The following HPSE2 variants were observed in gnomAD, a reference collection of about 807,000 sequenced individuals.
The protein encoded by HPSE2 is inactive heparanase-2.
A neutral mutation model predicts 60.5 loss-of-function variants in HPSE2; 38 were observed. That is an observed-to-expected ratio of 0.63 (90% CI 0.48 to 0.82). The LOEUF (loss-of-function observed/expected upper bound fraction) is 0.82. Among genes scored for constraint, HPSE2 ranks in the 40% least tolerant of loss-of-function variants. HPSE2 has a pLI of 0.00. For missense variants in HPSE2, 713 were observed against 740.4 expected, an observed-to-expected ratio of 0.96 and a Z score of 0.43; for synonymous variants, 295 against 293.2, an observed-to-expected ratio of 1.01 and a Z score of -0.06.
intron 3 of HPSE2, among the ~76,000 whole-genome samples, chr10:98,990,127 T>A (rs1199918485): frequency 6.6e-6 from 1 of 152,130 alleles, no homozygotes; most frequent in East Asian, 1.9e-4. Context: ...GCTGTACAAC[T>A]CAAGTACATC....
At chr10:98,849,870 G>A (rs1952126567) in intron 3 of HPSE2, among the ~76,000 whole-genome samples, 2 of 151,614 alleles carry the variant, frequency 1.3e-5, no homozygotes, top group African/African-American at 2.4e-5. Flanking sequence ...TCAGCCTCCC[G>A]AGTAGCTGGG....
chr10:99,004,580 C>A (rs1391029539), intron 3 of HPSE2, among the ~76,000 whole-genome samples: 1 of 151,710 alleles, frequency 6.6e-6, no homozygotes, highest in Non-Finnish European at 1.5e-5. Context: ...CTGTTTACAT[C>A]TTGTTATAGT....
chr10:99,118,070 C>A (rs999365933), intron 3 of HPSE2, among the ~76,000 whole-genome samples: 1 of 152,000 alleles, frequency 6.6e-6, no homozygotes, highest in Non-Finnish European at 1.5e-5. Context: ...TTCTGGGATG[C>A]AAGGTTGGTT....
At chr10:99,000,928 A>G (rs1461948696) in intron 3 of HPSE2, among the ~76,000 whole-genome samples, 1 of 152,112 alleles carries the variant, frequency 6.6e-6, no homozygotes, top group African/African-American at 2.4e-5. Context: ...CTGCGTGCAC[A>G]GTGTTATATA....
chr10:98,621,611 C>G (rs369330682), intron 7 of HPSE2, among the ~76,000 whole-genome samples: 5 of 152,200 alleles, frequency 3.3e-5, no homozygotes, highest in African/African-American at 9.7e-5. Flanking sequence ...AATTGACAAC[C>G]ATTGCTGGCA....
At position 98,641,959 on chromosome 10, in the gene HPSE2, A is replaced by G. The variant is rs899776764; in HGVS notation, c.1005-19T>C. ...GTAGCAACTGGAATAAAAATAAAAT[A>G]AGAATCAGATAAAATCTCAAGCAAG... On this transcript the variant is annotated intron_variant, in intron 6 of 11. Transcript: ENST00000370552. 1.3e-6 allele frequency: 2 copies of G among 1,589,890 alleles called. No homozygotes were observed. The highest frequency in any genetic ancestry group is 1.3e-5 in the African/African-American group (1 of 74,476).
At chr10:98,862,327 A>G (rs1390165483) in intron 3 of HPSE2, among the ~76,000 whole-genome samples, 2 of 152,310 alleles carry the variant, frequency 1.3e-5, no homozygotes, top group African/African-American at 2.4e-5. Context: ...TATTCCAAGT[A>G]TCAGTCCTTA....
chr10:98,987,750 G>A (rs1433796409), intron 3 of HPSE2, among the ~76,000 whole-genome samples: 12 of 152,102 alleles, frequency 7.9e-5, no homozygotes, highest in Admixed American at 3.9e-4. Flanking sequence ...AAACCCCATC[G>A]TCTCAGCCCA....
chr10:98,618,394 C>T (rs1264558047), intron 8 of HPSE2, among the ~76,000 whole-genome samples: 3 of 152,150 alleles, frequency 2.0e-5, no homozygotes, highest in Non-Finnish European at 2.9e-5. Flanking sequence ...AGAATGCTCA[C>T]AAAACCACTC....
chr10:99,289,291 G>A, the HPSE2 span, among the ~76,000 whole-genome samples: 130,057 of 152,090 alleles, frequency 0.86, 55,960 homozygotes, highest in African/African-American at 0.92. Flanking sequence ...AACAATTTAC[G>A]TGGCTGCAAA....
At chr10:98,676,809 T>C (rs927380344) in intron 6 of HPSE2, among the ~76,000 whole-genome samples, 2 of 152,216 alleles carry the variant, frequency 1.3e-5, no homozygotes, top group African/African-American at 4.8e-5. Flanking sequence ...GACTGTGTTT[T>C]GGATTTTATT....
At chr10:99,306,184 T>C in the HPSE2 span, among the ~76,000 whole-genome samples, 1 of 152,042 alleles carries the variant, frequency 6.6e-6, no homozygotes, top group African/African-American at 2.4e-5. Context: ...ACACCAGCAG[T>C]ATTTGAGGAG....
At chr10:98,546,582 G>C (rs1288771725) in intron 9 of HPSE2, among the ~76,000 whole-genome samples, 1 of 151,798 alleles carries the variant, frequency 6.6e-6, no homozygotes, top group Non-Finnish European at 1.5e-5. Context: ...AAATGGTGCT[G>C]GGAAAACTGG....
intron 6 of HPSE2, among the ~76,000 whole-genome samples, chr10:98,648,117 G>A (rs1487394171): frequency 1.3e-5 from 2 of 152,090 alleles, no homozygotes; most frequent in East Asian, 1.9e-4. Flanking sequence ...CCATGCCAAG[G>A]GCTCCATTTT....
chr10:98,609,034 G>C (rs1007496144), intron 9 of HPSE2, among the ~76,000 whole-genome samples: 1 of 152,168 alleles, frequency 6.6e-6, no homozygotes, highest in African/African-American at 2.4e-5. Context: ...TAATGCCTCT[G>C]TACTTTAAAT....
intron 3 of HPSE2, among the ~76,000 whole-genome samples, chr10:98,960,618 C>T (rs1224563473): frequency 1.3e-5 from 2 of 150,160 alleles, no homozygotes; most frequent in Non-Finnish European, 3.0e-5. Context: ...ATCTATCCCT[C>T]CTCTATAATT....
the HPSE2 span, among the ~76,000 whole-genome samples, chr10:99,273,760 A>T: frequency 6.6e-6 from 1 of 152,218 alleles, no homozygotes. Context: ...AGACAAACAG[A>T]TGCAGGGAGG....
rs1376504006 is a variant in HPSE2, at chr10:98,935,425, T to A, written c.611-191369A>T. ...GTTTTTCCTCATCTTTCTGGATTTA[T>A]CTACCTTTGATCTTTGAGGCTGACA... On this transcript the variant is annotated intron_variant, in intron 3 of 11. Transcript: ENST00000370552. Among the ~76,000 whole-genome samples the A allele has an allele frequency of 5.6e-5, 8 of 144,000 alleles. 1 individual carries two copies. Among genetic ancestry groups the A allele is most frequent in the Admixed American group, 4.8e-4 (7 of 14,470 alleles). The allele number at this position is 144,000 out of a possible 152,430, so 94.5% of individuals were successfully genotyped here. A position where few individuals can be genotyped will look rare whatever the true frequency, so the allele number is the denominator to read the frequency against.
At chr10:98,908,180 A>G (rs1270385697) in intron 3 of HPSE2, among the ~76,000 whole-genome samples, 1 of 152,198 alleles carries the variant, frequency 6.6e-6, no homozygotes, top group East Asian at 1.9e-4. Flanking sequence ...CAATAATCAT[A>G]TAAGGTAGGT....
Sources: allele counts gnomAD v4.1 joint callset (sites outside exome capture counted in the v4.1 genomes callset), GRCh38; gene constraint gnomAD v4.1.1; transcripts MANE v1.5; gene names NCBI Gene and HGNC (gene_info 2026-07-23, HGNC 2026-07-21).